Variants in TBCA observed in about 807,000 individuals in gnomAD.
The protein encoded by TBCA is tubulin folding cofactor A, also known as tubulin-specific chaperone A.
A neutral mutation model predicts 15.8 loss-of-function variants in TBCA; 6 were observed. That is an observed-to-expected ratio of 0.38 (90% CI 0.21 to 0.75). TBCA has a LOEUF of 0.75. TBCA is among the 30% of genes least tolerant of loss of function. The pLI is 0.46. For missense variants in TBCA, 90 were observed against 131.2 expected (o/e 0.69, Z 1.53); for synonymous variants, 32 against 42.3 (o/e 0.76, Z 0.94).
Position 77,766,603 on chromosome 5 carries a change from G to A in TBCA, c.53+9602C>T, listed in dbSNP as rs1325649960. Among the ~76,000 whole-genome samples, 2 of 42,236 alleles carry A rather than the reference G, an allele frequency of 4.7e-5. 1 individual carries two copies. The allele number at this position is 42,236 out of a possible 152,430, so 27.7% of individuals were successfully genotyped here. A position where few individuals can be genotyped will look rare whatever the true frequency, so the allele number is the denominator to read the frequency against. ...CCGCTCACTGCAAGCTCCGCCTTCCGGGTTCACGCCATTCTCCTGCCTCAG... is the reference window on the plus strand; with the variant it reads ...CCGCTCACTGCAAGCTCCGCCTTCCAGGTTCACGCCATTCTCCTGCCTCAG... On this transcript the variant is annotated intron_variant, in intron 1 of 3. Coordinates refer to ENST00000380377, the MANE Select transcript of TBCA (RefSeq NM_004607.3).
intron 1 of TBCA, among the ~76,000 whole-genome samples, chr5:77,720,155 T>A (rs773808291): frequency 6.6e-6 from 1 of 152,134 alleles, no homozygotes; most frequent in Non-Finnish European, 1.5e-5. Context: ...AACATAGTAA[T>A]CATGCTCTCA....
At chr5:77,703,081 CTT>C (rs907882710) in intron 2 of TBCA, among the ~76,000 whole-genome samples, 3 of 152,208 alleles carry the variant, frequency 2.0e-5, no homozygotes, top group Non-Finnish European at 2.9e-5. Flanking sequence ...AATGTTCACT[CTT>C]GTTTCAAAGA....
intron 2 of TBCA, among the ~76,000 whole-genome samples, chr5:77,698,372 C>T (rs1745923519): frequency 6.6e-6 from 1 of 152,160 alleles, no homozygotes; most frequent in Non-Finnish European, 1.5e-5. Flanking sequence ...TTGACCAATT[C>T]CTCAAAAACT....
At chr5:77,766,281 C>T (rs1012433857) in intron 1 of TBCA, among the ~76,000 whole-genome samples, 4 of 152,084 alleles carry the variant, frequency 2.6e-5, no homozygotes, top group Admixed American at 2.6e-4. Context: ...TTTGACAGAA[C>T]TGTAATAATT....
rs1462402682 is a variant in TBCA at position 77,768,975 on chromosome 5, T to C, written c.53+7230A>G. On this transcript the variant is annotated intron_variant, in intron 1 of 3. Transcript: ENST00000380377. ...TGAAAAAACAAAACACCCATACACATACAGGGCCAAAGATCTTTCATCTCC... is the reference window on the plus strand; with the variant it reads ...TGAAAAAACAAAACACCCATACACACACAGGGCCAAAGATCTTTCATCTCC... 3.3e-5 allele frequency among the ~76,000 whole-genome samples: 5 copies of C among 152,338 alleles called. No homozygotes were observed. The East Asian group carries it at 9.6e-4, about 29-fold the overall frequency.
Position 77,745,213 on chromosome 5 carries a change from G to A in TBCA, c.53+30992C>T, listed in dbSNP as rs191208940. On this transcript the variant is annotated intron_variant, in intron 1 of 3. Transcript: ENST00000380377. Reference sequence around the variant, plus strand: ...CACAAGGCAGAGAAGGGAGATTTTAGAAGCAGAAAACATTAGTATTCAATA... The same window carrying A: ...CACAAGGCAGAGAAGGGAGATTTTAAAAGCAGAAAACATTAGTATTCAATA... 4.1e-3 allele frequency among the ~76,000 whole-genome samples: 621 copies of A among 152,284 alleles called. 4 individuals carry two copies. The highest frequency in any genetic ancestry group is 6.7e-3 in the Non-Finnish European group (455 of 68,016).
rs114459703 is a variant in TBCA at position 77,747,617 on chromosome 5, G to A, written c.53+28588C>T. ...AGCTTAAAACAGGGCACAGTAGGGG[G>A]TTAATATGTTGTTGTCCGAATCACT... On this transcript the variant is annotated intron_variant, in intron 1 of 3. Coordinates refer to ENST00000380377, the MANE Select transcript of TBCA (RefSeq NM_004607.3). Among the ~76,000 whole-genome samples, 1,165 of 152,194 alleles carry A rather than the reference G, an allele frequency of 7.7e-3. 14 individuals are homozygous for A. The highest frequency in any genetic ancestry group is 0.025 in the African/African-American group (1,057 of 41,546).
rs187325289 is a variant in TBCA at position 77,701,520 on chromosome 5, C to T, written c.159+6722G>A. 3.2e-3 allele frequency among the ~76,000 whole-genome samples: 481 copies of T among 151,590 alleles called. 3 individuals carry two copies. Among genetic ancestry groups the T allele is most frequent in the African/African-American group, 0.011 (465 of 41,334 alleles). On this transcript the variant is annotated intron_variant, in intron 2 of 3. Transcript: ENST00000380377. ...CCTTAAAGAACTAAAAGTAGGACTA[C>T]CATTTGATCCAGCAATTCCTATTGG...
Position 77,760,883 on chromosome 5 carries a change from T to C in TBCA, c.53+15322A>G, listed in dbSNP as rs546939151. 7.4e-5 allele frequency among the ~76,000 whole-genome samples: 11 copies of C among 149,138 alleles called. No individual in the cohort carries two copies. The East Asian group carries it at 1.6e-3, about 22-fold the overall frequency. ...AGGAGCGTCTCTGCCTGGCCACCCA[T>C]CGTCTGGGATGTGAGGAGCCCCTCT... On this transcript the variant is annotated intron_variant, in intron 1 of 3. Transcript: ENST00000380377.
intron 1 of TBCA, among the ~76,000 whole-genome samples, chr5:77,749,168 G>A (rs753580259): frequency 6.6e-6 from 1 of 152,184 alleles, no homozygotes. Flanking sequence ...TGAGAACCGC[G>A]AGAGATCACT....
intron 1 of TBCA, among the ~76,000 whole-genome samples, chr5:77,748,491 T>TTC (rs1448738848): frequency 6.6e-6 from 1 of 151,810 alleles, no homozygotes; most frequent in Non-Finnish European, 1.5e-5. Context: ...TTTGCTTTTT[T>TTC]TTTTTAAGAT....
chr5:77,738,871 C>A (rs1232922121), intron 1 of TBCA, among the ~76,000 whole-genome samples: 1 of 152,162 alleles, frequency 6.6e-6, no homozygotes, highest in South Asian at 2.1e-4. Context: ...GCGTGAGCCA[C>A]TGCACCTGGC....
At chr5:77,716,624 A>C (rs1467431215) in intron 1 of TBCA, among the ~76,000 whole-genome samples, 1 of 152,190 alleles carries the variant, frequency 6.6e-6, no homozygotes, top group Non-Finnish European at 1.5e-5. Flanking sequence ...CTAATTCAAA[A>C]TTAATGGAGC....
rs1387380178 is a variant in TBCA at position 77,766,606 on chromosome 5, T to A, written c.53+9599A>T. On this transcript the variant is annotated intron_variant, in intron 1 of 3. Transcript: ENST00000380377. The stretch of plus-strand genomic sequence containing the variant: ...CTCACTGCAAGCTCCGCCTTCCGGG[T>A]TCACGCCATTCTCCTGCCTCAGCCT... 4.0e-5 allele frequency among the ~76,000 whole-genome samples: 2 copies of A among 49,954 alleles called. 1 individual carries two copies. Among genetic ancestry groups the A allele is most frequent in the African/African-American group, 1.7e-4 (2 of 11,988 alleles). 32.8% of individuals were successfully genotyped at this position (49,954 alleles called of 152,430 possible).
intron 3 of TBCA, chr5:77,692,455 T>C (rs1745774171): frequency 1.1e-6 from 1 of 948,310 alleles, no homozygotes; most frequent in South Asian, 4.9e-5. Flanking sequence ...ATTATTATTA[T>C]TTTGGTATTT....
intron 1 of TBCA, among the ~76,000 whole-genome samples, chr5:77,722,617 A>C (rs1009902675): frequency 6.6e-6 from 1 of 152,004 alleles, no homozygotes; most frequent in Admixed American, 6.6e-5. Flanking sequence ...TGTTTAACTC[A>C]ACCCTTCCCA....
intron 1 of TBCA, among the ~76,000 whole-genome samples, chr5:77,721,146 A>G (rs1302900078): frequency 6.6e-6 from 1 of 152,192 alleles, no homozygotes; most frequent in Non-Finnish European, 1.5e-5. Context: ...ATTTTATCAA[A>G]CTACAAAATA....
At chr5:77,741,516 A>T (rs982544756) in intron 1 of TBCA, among the ~76,000 whole-genome samples, 2 of 152,224 alleles carry the variant, frequency 1.3e-5, no homozygotes, top group Non-Finnish European at 2.9e-5. Context: ...TGATCCTACC[A>T]TTAACCATGG....
At chr5:77,722,830 TATAAA>T (rs944635044) in intron 1 of TBCA, among the ~76,000 whole-genome samples, 40 of 151,954 alleles carry the variant, frequency 2.6e-4, no homozygotes, top group South Asian at 1.9e-3. Context: ...TTCCAATTTA[TATAAA>T]ATAAAATATA....
Sources: gnomAD v4.1 joint callset for allele counts (sites outside exome capture counted in the v4.1 genomes callset) on GRCh38, gnomAD v4.1.1 for gene constraint, MANE v1.5 for transcripts, NCBI Gene and HGNC (gene_info 2026-07-23, HGNC 2026-07-21) for gene names.